Variants in GRK4 observed in about 807,000 individuals in gnomAD.
The protein encoded by GRK4 is G protein-coupled receptor kinase 4.
A neutral mutation model predicts 77.9 loss-of-function variants in GRK4; 73 were observed. The ratio of observed to expected loss-of-function variants is 0.94; its 90% CI spans 0.78 to 1.14. The LOEUF is 1.14. Ranked by LOEUF, GRK4 falls within the 50% of genes most tolerant of loss-of-function variation. The probability of loss-of-function intolerance (pLI) is 0.00; values close to 1 mark genes in which losing one functional copy is unlikely to be tolerated. For missense variants in GRK4, 729 were observed against 700.2 expected (o/e 1.04, Z -0.46); for synonymous variants, 257 against 254.4 (o/e 1.01, Z -0.10).
chr4:2,983,614 C>G (rs1382837759), intron 1 of GRK4, among the ~76,000 whole-genome samples: 2 of 152,256 alleles, frequency 1.3e-5, no homozygotes, highest in Middle Eastern at 6.8e-3. Context: ...CTACCTTAGT[C>G]AAAACAGCAC....
chr4:3,020,809 G>A (rs2471321), intron 9 of GRK4, among the ~76,000 whole-genome samples: 56,821 of 151,494 alleles, frequency 0.38, 10,910 homozygotes, highest in African/African-American at 0.4. Context: ...AAAAAAAAGA[G>A]AAAATATTCA....
At chr4:3,010,288 G>A (rs534635209) in intron 7 of GRK4, among the ~76,000 whole-genome samples, 4 of 152,022 alleles carry the variant, frequency 2.6e-5, no homozygotes, top group Admixed American at 6.6e-5. Flanking sequence ...GTGCAATGGC[G>A]TGATCTCAGC....
chr4:3,014,937 T>C (rs1477361922), intron 8 of GRK4, among the ~76,000 whole-genome samples: 1 of 152,126 alleles, frequency 6.6e-6, no homozygotes, highest in African/African-American at 2.4e-5. Context: ...GAGGATACCT[T>C]CTCTAGCCCC....
At chr4:3,025,736 G>A (rs1737342767) in intron 10 of GRK4, among the ~76,000 whole-genome samples, 1 of 152,034 alleles carries the variant, frequency 6.6e-6, no homozygotes, top group Non-Finnish European at 1.5e-5. Flanking sequence ...ACATTTATGT[G>A]GTTCCAAAGA....
rs34022679 is a variant in GRK4, at chr4:3,035,486, T to C, written c.1370T>C (p.Leu457Pro). 0.018 allele frequency: 28,976 copies of C among 1,614,000 alleles called. 311 individuals are homozygous for C. The highest frequency in any genetic ancestry group is 0.044 in the Admixed American group (2,618 of 60,014). ...PVFKDINFRR[L>P]EANMLEPPFC... is the part of the protein sequence containing the mutation. ...TTCAAGGACATCAACTTCAGGAGGC[T>C]GGAGGCAAACATGCTGGAGCCCCCT... The change falls in exon 13 of 16, where the codon CTG becomes CCG. Residue 457 changes from leucine to proline, a missense_variant. Leu to Pro is a moderately conservative substitution (Grantham distance 98). Transcript: ENST00000398052.
chr4:2,970,698 C>A (rs1009679775), intron 1 of GRK4, among the ~76,000 whole-genome samples: 2 of 151,034 alleles, frequency 1.3e-5, no homozygotes, highest in South Asian at 4.2e-4. Context: ...GGGGGTCAGT[C>A]TCGCTCTGTC....
chr4:3,038,288 G>T, intron 14 of GRK4, 88 bp from the exon 15 acceptor site: 4 of 1,544,608 alleles, frequency 2.6e-6, no homozygotes, highest in Non-Finnish European at 3.5e-6. Flanking sequence ...CCCGCACGGG[G>T]CTGGGCAGGA....
chr4:2,973,774 A>C (rs183530149), intron 1 of GRK4, among the ~76,000 whole-genome samples: 2 of 152,238 alleles, frequency 1.3e-5, no homozygotes, highest in East Asian at 3.9e-4. Flanking sequence ...CAGCAGCCAG[A>C]GTGGTCCTAT....
At position 2,993,269 on chromosome 4, in the gene GRK4, A is replaced by G. The variant is rs146428688; in HGVS notation, c.339+977A>G. Among the ~76,000 whole-genome samples the G allele has an allele frequency of 2.2e-4, 33 of 152,320 alleles. No homozygotes were observed. In the East Asian group the frequency reaches 6.4e-3, roughly 29 times the overall value. ...AGTATGTCACTGAAATTAGAGCTGT[A>G]ACCTGCTTCCTTTCATGTGACTTCT... is the stretch of plus-strand genomic sequence containing the variant. On this transcript the variant is annotated intron_variant, in intron 4 of 15. Transcript: ENST00000398052.
intron 1 of GRK4, among the ~76,000 whole-genome samples, chr4:2,970,692 G>T (rs1044930289): frequency 6.6e-6 from 1 of 151,014 alleles, no homozygotes; most frequent in African/African-American, 2.4e-5. Context: ...TTTTGGGGGG[G>T]TCAGTCTCGC....
chr4:3,032,662 C>T (rs986082080), intron 12 of GRK4, among the ~76,000 whole-genome samples: 8 of 152,176 alleles, frequency 5.3e-5, no homozygotes, highest in African/African-American at 9.7e-5. Context: ...GCTCCCATTA[C>T]AGGATCATCT....
rs957993602 is a variant in GRK4 at position 3,001,427 on chromosome 4, C to T, written c.340-2804C>T. 5.5e-5 allele frequency among the ~76,000 whole-genome samples: 8 copies of T among 146,562 alleles called. No homozygotes were observed. In the East Asian group the frequency reaches 6.0e-4, roughly 11 times the overall value. ...TGTAGCCCAGGCTGGAGTGGAGTGG[C>T]GTGATCTTGGCTCACTGCAACCTCT... On this transcript the variant is annotated intron_variant, in intron 4 of 15. Coordinates refer to ENST00000398052, the MANE Select transcript of GRK4 (RefSeq NM_182982.3).
At chr4:3,040,481 C>A in intron 15 of GRK4, 91 bp from the exon 16 acceptor site, 1 of 911,860 alleles carries the variant, frequency 1.1e-6, no homozygotes, top group Non-Finnish European at 1.6e-6. Flanking sequence ...AAGCACCCCC[C>A]ACCCAAAAGT....
Position 3,019,840 on chromosome 4 carries a change from G to A in GRK4, c.932+9G>A, listed in dbSNP as rs757040676. ...GAAAGAATTGTATACAGGTAAGAACGGTGCTACCTAATGGAGCCTGCAAGT... is the reference window on the plus strand; with the variant it reads ...GAAAGAATTGTATACAGGTAAGAACAGTGCTACCTAATGGAGCCTGCAAGT... On this transcript the variant is annotated intron_variant, in intron 9 of 15. Coordinates refer to ENST00000398052, the MANE Select transcript of GRK4 (RefSeq NM_182982.3). 11 of 1,604,378 alleles carry A rather than the reference G, an allele frequency of 6.9e-6. No individual in the cohort carries two copies. In the African/African-American group the frequency reaches 9.4e-5, roughly 14 times the overall value.
rs547123012 is a variant in GRK4 at position 3,026,441 on chromosome 4, G to A, written c.971-1471G>A. On this transcript the variant is annotated intron_variant, in intron 10 of 15. Transcript: ENST00000398052. ...CACTCTACTTAAATGAAAAATACAC[G>A]AAAGCTGGCCAGGCACGGTGGCTCA... Among the ~76,000 whole-genome samples, 5 of 152,178 alleles carry A rather than the reference G, an allele frequency of 3.3e-5. No homozygotes were observed. The East Asian group carries it at 7.7e-4, about 24-fold the overall frequency.
At chr4:2,994,959 T>C (rs1191232492) in intron 4 of GRK4, among the ~76,000 whole-genome samples, 1 of 152,102 alleles carries the variant, frequency 6.6e-6, no homozygotes, top group Admixed American at 6.6e-5. Context: ...ATAGGCCCCA[T>C]TGTGTGGTGT....
intron 8 of GRK4, among the ~76,000 whole-genome samples, chr4:3,019,021 C>A (rs1425845063): frequency 6.6e-6 from 1 of 151,970 alleles, no homozygotes; most frequent in East Asian, 1.9e-4. Flanking sequence ...AGAATCCCAG[C>A]AGGGTGTGTG....
At chr4:3,008,665 G>A (rs1245379967) in intron 6 of GRK4, among the ~76,000 whole-genome samples, 5 of 152,006 alleles carry the variant, frequency 3.3e-5, no homozygotes, top group South Asian at 2.1e-4. Flanking sequence ...AGCCAGGCAC[G>A]GTGGCATGCA....
At chr4:2,982,249 C>T (rs1274735405) in intron 1 of GRK4, among the ~76,000 whole-genome samples, 1 of 152,242 alleles carries the variant, frequency 6.6e-6, no homozygotes, top group African/African-American at 2.4e-5. Flanking sequence ...CCGGCACTGG[C>T]CACTGCTGCC....
Sources: allele counts gnomAD v4.1 joint callset (sites outside exome capture counted in the v4.1 genomes callset), GRCh38; gene constraint gnomAD v4.1.1; transcripts MANE v1.5; gene names NCBI Gene and HGNC (gene_info 2026-07-23, HGNC 2026-07-21).